Variants in DACH2 observed in about 807,000 individuals in gnomAD.
The protein encoded by DACH2 is dachshund family transcription factor 2, also known as dachshund homolog 2.
A neutral mutation model predicts 35.8 loss-of-function variants in DACH2; 17 were observed. That is an observed-to-expected ratio of 0.48 (90% confidence interval 0.33 to 0.71). The LOEUF is 0.71. DACH2 is among the 30% of genes least tolerant of loss of function. The pLI, the probability that DACH2 is intolerant of heterozygous loss-of-function variation, is 0.02. For missense variants in DACH2, 469 were observed against 472.7 expected, an observed-to-expected ratio of 0.99 and a Z score of 0.07; for synonymous variants, 195 against 177.3, an observed-to-expected ratio of 1.10 and a Z score of -0.79.
intron 3 of DACH2, among the ~76,000 whole-genome samples, chrX:86,649,047 A>G (rs547973425): frequency 1.1e-4 from 12 of 110,423 alleles, no homozygotes; most frequent in Middle Eastern, 4.6e-3. Context: ...CTTCACCTAA[A>G]TAACTGACCT....
intron 6 of DACH2, among the ~76,000 whole-genome samples, chrX:86,723,212 T>A (rs1302518358): frequency 8.9e-6 from 1 of 111,827 alleles, no homozygotes; most frequent in African/African-American, 3.2e-5. Flanking sequence ...CTTTTGTTAG[T>A]CTAGCTAATG....
At chrX:86,413,668 G>A (rs1014044071) in intron 2 of DACH2, among the ~76,000 whole-genome samples, 1 of 110,963 alleles carries the variant, frequency 9.0e-6, no homozygotes, top group African/African-American at 3.3e-5. Context: ...ATTTTTCTAG[G>A]TAGAGCAGCT....
In DACH2 at chrX:86,477,365, T is replaced by TATAC. The variant is rs1367409885; in HGVS notation, c.528-36911_528-36910insCATA. On this transcript the variant is annotated intron_variant, in intron 2 of 11. Coordinates refer to ENST00000373125, the MANE Select transcript of DACH2 (RefSeq NM_053281.3). ...ATATATATATATATATATATATATA[T>TATAC]ATATAATTGTTATATCCTCTTGTTT... 7.9e-4 allele frequency among the ~76,000 whole-genome samples: 80 copies of TATAC among 101,284 alleles called. 1 individual carries two copies. Among genetic ancestry groups the TATAC allele is most frequent in the African/African-American group, 2.7e-3 (75 of 27,851 alleles). The allele number at this position is 101,284 out of a possible 115,157, so 88.0% of individuals were successfully genotyped here. A position where few individuals can be genotyped will look rare whatever the true frequency, so the allele number is the denominator to read the frequency against.
chrX:86,554,343 T>C (rs1158658676), intron 3 of DACH2, among the ~76,000 whole-genome samples: 1 of 111,475 alleles, frequency 9.0e-6, no homozygotes, highest in Non-Finnish European at 1.9e-5. Flanking sequence ...TGTGGAAATG[T>C]ATTTTGTGTT....
intron 1 of DACH2, among the ~76,000 whole-genome samples, chrX:86,347,655 G>A (rs941708560): frequency 2.7e-5 from 3 of 112,112 alleles, no homozygotes; most frequent in South Asian, 7.3e-4. Flanking sequence ...TAACCCTCTG[G>A]GCAACTTTTA....
At chrX:86,431,547 T>C (rs1256762244) in intron 2 of DACH2, among the ~76,000 whole-genome samples, 1 of 111,260 alleles carries the variant, frequency 9.0e-6, no homozygotes, top group East Asian at 2.8e-4. Context: ...GCATAAGAAG[T>C]GTAGTGCTAG....
intron 1 of DACH2, among the ~76,000 whole-genome samples, chrX:86,339,667 G>A (rs2035380257): frequency 9.0e-6 from 1 of 111,470 alleles, no homozygotes; most frequent in Non-Finnish European, 1.9e-5. Flanking sequence ...CCCAACTCTG[G>A]CTTCAAAGTC....
chrX:86,438,152 C>T (rs1482852885), intron 2 of DACH2, among the ~76,000 whole-genome samples: 1 of 107,024 alleles, frequency 9.3e-6, no homozygotes, highest in African/African-American at 3.4e-5. Flanking sequence ...TCTGTTCCTT[C>T]ATTAGTTTGC....
intron 4 of DACH2, among the ~76,000 whole-genome samples, chrX:86,681,545 A>G (rs2040880506): frequency 9.5e-6 from 1 of 105,614 alleles, no homozygotes; most frequent in Admixed American, 1.0e-4. Flanking sequence ...GCACCACTGC[A>G]CTCCAGCCTG....
At chrX:86,740,208 G>A (rs899472559) in intron 7 of DACH2, among the ~76,000 whole-genome samples, 1 of 110,419 alleles carries the variant, frequency 9.1e-6, no homozygotes, top group African/African-American at 3.3e-5. Context: ...TTTGAATAAG[G>A]GAAGTTAAAA....
intron 7 of DACH2, among the ~76,000 whole-genome samples, chrX:86,770,732 C>G (rs1391576423): frequency 8.9e-6 from 1 of 111,945 alleles, no homozygotes; most frequent in Non-Finnish European, 1.9e-5. Flanking sequence ...TTATTTAGTT[C>G]TAACATGTTG....
intron 6 of DACH2, among the ~76,000 whole-genome samples, chrX:86,725,899 C>G: frequency 9.0e-6 from 1 of 111,382 alleles, no homozygotes; most frequent in Non-Finnish European, 1.9e-5. Flanking sequence ...ACTTCAGACT[C>G]TGGCAGCACC....
intron 2 of DACH2, among the ~76,000 whole-genome samples, chrX:86,457,459 T>C (rs1204192150): frequency 8.9e-6 from 1 of 112,122 alleles, no homozygotes; most frequent in African/African-American, 3.2e-5. Flanking sequence ...ATTATACTAT[T>C]GTGTCAATTT....
rs768437927 is a variant in DACH2, at chrX:86,510,232, A to G, written c.528-4047A>G. On this transcript the variant is annotated intron_variant, in intron 2 of 11. Coordinates refer to ENST00000373125, the MANE Select transcript of DACH2 (RefSeq NM_053281.3). The stretch of plus-strand genomic sequence containing the variant: ...GCTTACTCCTTGAATCACAAATGAC[A>G]TGAAACAAAAATAAATTCAACAGTC... Among the ~76,000 whole-genome samples, 14 of 112,410 alleles carry G rather than the reference A, an allele frequency of 1.2e-4. No individual in the cohort carries two copies. The South Asian group carries it at 4.4e-3, about 35-fold the overall frequency.
Position 86,148,605 on chromosome X carries a change from T to C in DACH2, c.-16T>C. 1 of 1,148,210 alleles carries C rather than the reference T, an allele frequency of 8.7e-7. No individual in the cohort carries two copies. The highest frequency in any genetic ancestry group is 1.2e-6 in the Non-Finnish European group (1 of 864,048). 94.6% of individuals were successfully genotyped at this position (1,148,210 alleles called of 1,213,427 possible). ...AAAGCGAGGGCCGGAGGACCCACGA[T>C]AGAGACAGAGTGACCATGGCTGTCT... On this transcript the variant is annotated 5_prime_UTR_variant, in exon 1 of 12. Coordinates refer to ENST00000373125, the MANE Select transcript of DACH2 (RefSeq NM_053281.3).
intron 1 of DACH2, among the ~76,000 whole-genome samples, chrX:86,339,250 A>G (rs761725988): frequency 5.4e-5 from 6 of 111,992 alleles, no homozygotes; most frequent in African/African-American, 1.9e-4. Context: ...TCTTAAAGAG[A>G]AATGACAATA....
chrX:86,301,975 C>T (rs1164351332), intron 1 of DACH2, among the ~76,000 whole-genome samples: 1 of 111,260 alleles, frequency 9.0e-6, no homozygotes, highest in Admixed American at 9.6e-5. Flanking sequence ...TTTGCAATTA[C>T]CACTTGACCC....
intron 7 of DACH2, among the ~76,000 whole-genome samples, chrX:86,744,719 A>C (rs1196951123): frequency 9.0e-6 from 1 of 111,705 alleles, no homozygotes; most frequent in African/African-American, 3.2e-5. Context: ...ACTATGCCTA[A>C]TATTGTGATT....
At chrX:86,706,421 T>C (rs900934462) in intron 5 of DACH2, among the ~76,000 whole-genome samples, 2 of 111,207 alleles carry the variant, frequency 1.8e-5, no homozygotes, top group Non-Finnish European at 3.8e-5. Flanking sequence ...ATAGTGGTAT[T>C]TGTAAATGGA....
Sources: gnomAD v4.1 joint callset for allele counts (sites outside exome capture counted in the v4.1 genomes callset) on GRCh38, gnomAD v4.1.1 for gene constraint, MANE v1.5 for transcripts, NCBI Gene and HGNC (gene_info 2026-07-23, HGNC 2026-07-21) for gene names.